Variants in TTC7A observed in about 807,000 individuals in gnomAD.
The protein encoded by TTC7A is tetratricopeptide repeat protein 7A.
In TTC7A, 110 loss-of-function variants were observed where a neutral mutation model predicts 103.7. That is an observed-to-expected ratio of 1.06 (90% CI 0.91 to 1.24). TTC7A has a LOEUF of 1.24. Ranked by LOEUF, TTC7A falls within the 50% of genes most tolerant of loss-of-function variation. TTC7A has a pLI of 0.00. For missense variants in TTC7A, 1,340 were observed against 1,116.3 expected (o/e 1.20, Z -2.86); for synonymous variants, 521 against 467.9 (o/e 1.11, Z -1.47).
At chr2:47,055,286 A>G (rs1683223209) in intron 18 of TTC7A, among the ~76,000 whole-genome samples, 1 of 152,200 alleles carries the variant, frequency 6.6e-6, no homozygotes, top group Admixed American at 6.5e-5. Context: ...GTATGGCAGT[A>G]AGTTCCATCG....
chr2:47,053,995 C>G, intron 18 of TTC7A: 8 of 544,980 alleles, frequency 1.5e-5, no homozygotes, highest in Non-Finnish European at 1.9e-5. Flanking sequence ...TAAAGGCCCT[C>G]CTGAAGCCAG....
At chr2:47,041,052 C>A (rs1252534751) in intron 15 of TTC7A, among the ~76,000 whole-genome samples, 1 of 152,120 alleles carries the variant, frequency 6.6e-6, no homozygotes, top group Non-Finnish European at 1.5e-5. Flanking sequence ...TTGGCCTTGC[C>A]CAGTGACTGT....
Position 47,007,649 on chromosome 2 carries a change from CG to C in TTC7A, c.1287+929del, listed in dbSNP as rs1357563030. On this transcript the variant is annotated intron_variant, in intron 10 of 19. Transcript: ENST00000319190. This position sits in a 1 kb window ranked among gnomAD's most constrained non-coding sequence, Gnocchi z 4.9. ...CGCATCAAGGGCGTGCCAGCCAGCT[CG>C]GGGCCTCGGCAGCCGAGGCAGGCCA... Among the ~76,000 whole-genome samples, 6 of 152,084 alleles carry C rather than the reference CG, an allele frequency of 3.9e-5. No homozygotes were observed. Among genetic ancestry groups the C allele is most frequent in the Non-Finnish European group, 4.4e-5 (3 of 67,996 alleles).
At chr2:46,995,870 A>G (rs1403149741) in intron 8 of TTC7A, among the ~76,000 whole-genome samples, 1 of 152,244 alleles carries the variant, frequency 6.6e-6, no homozygotes, top group Non-Finnish European at 1.5e-5. Flanking sequence ...CAGGCAGTAA[A>G]TTAATCAAAA....
intron 2 of TTC7A, among the ~76,000 whole-genome samples, chr2:46,923,446 A>G (rs1428083370): frequency 3.9e-5 from 6 of 152,254 alleles, no homozygotes. Context: ...TAGGAGTTGT[A>G]TGCTAGAAAA....
At chr2:46,998,498 C>T (rs530380379) in intron 8 of TTC7A, among the ~76,000 whole-genome samples, 1 of 152,322 alleles carries the variant, frequency 6.6e-6, no homozygotes, top group South Asian at 2.1e-4. Flanking sequence ...CCCCAAGGCT[C>T]CATGTACCTG....
At chr2:46,919,861 T>A (rs754951883) in intron 2 of TTC7A, among the ~76,000 whole-genome samples, 3 of 152,266 alleles carry the variant, frequency 2.0e-5, no homozygotes, top group Non-Finnish European at 2.9e-5. Context: ...TCTATCACCC[T>A]TGCATTGGAT....
chr2:47,015,047 G>A (rs1467093053), intron 11 of TTC7A, among the ~76,000 whole-genome samples: 1 of 152,244 alleles, frequency 6.6e-6, no homozygotes, highest in African/African-American at 2.4e-5. Context: ...AGCTGAGCAG[G>A]TTTGGGTTTG....
chr2:47,059,620 A>C (rs13393256), intron 18 of TTC7A, among the ~76,000 whole-genome samples: 109,849 of 152,038 alleles, frequency 0.72, 41,183 homozygotes, highest in East Asian at 0.94. Context: ...CCAAAGAGAG[A>C]TCCCTGGTCT....
chr2:46,930,867 G>A (rs748511921), intron 2 of TTC7A, among the ~76,000 whole-genome samples: 1 of 151,940 alleles, frequency 6.6e-6, no homozygotes, highest in African/African-American at 2.4e-5. Flanking sequence ...TAGCTGAATG[G>A]AAAAATAATG....
rs1457968225 is a variant in TTC7A at position 47,014,053 on chromosome 2, T to C, written c.1392+2618T>C. Among the ~76,000 whole-genome samples the C allele has an allele frequency of 2.6e-5, 4 of 152,200 alleles. No individual in the cohort carries two copies. In the East Asian group the frequency reaches 5.8e-4, roughly 22 times the overall value. On this transcript the variant is annotated intron_variant, in intron 11 of 19. Coordinates refer to ENST00000319190, the MANE Select transcript of TTC7A (RefSeq NM_020458.4). ...CTGTGTTTCTTGAGTGCAGGAATTA[T>C]CTGTCTCTTCTTTGAAACCCCAGCC...
intron 3 of TTC7A, among the ~76,000 whole-genome samples, chr2:46,958,940 C>T (rs929621475): frequency 9.2e-5 from 14 of 152,138 alleles, no homozygotes; most frequent in Non-Finnish European, 1.9e-4. Flanking sequence ...TTTATTCAGC[C>T]CCCCTCCATG....
In TTC7A at chr2:46,923,373, C is replaced by T. The variant is rs938716972; in HGVS notation, c.82+6096C>T. Reference sequence around the variant, plus strand: ...GCTGTCATTCTGAATTACCTGGGGGCTGCCAGCCATCAGTCAACCATTAGC... The same window carrying T: ...GCTGTCATTCTGAATTACCTGGGGGTTGCCAGCCATCAGTCAACCATTAGC... On this transcript the variant is annotated intron_variant, in intron 2 of 20. Transcript: ENST00000409245. 3.9e-5 allele frequency among the ~76,000 whole-genome samples: 6 copies of T among 152,184 alleles called. 1 individual carries two copies. Among genetic ancestry groups the T allele is most frequent in the Admixed American group, 3.9e-4 (6 of 15,284 alleles).
chr2:46,947,815 A>G (rs28529158), intron 1 of TTC7A, among the ~76,000 whole-genome samples: 5,455 of 152,290 alleles, frequency 0.036, 126 homozygotes, highest in Non-Finnish European at 0.053. Flanking sequence ...CTACCTCCCA[A>G]TTTTTTAGTA....
At chr2:46,932,291 A>G (rs1380565406) in intron 2 of TTC7A, among the ~76,000 whole-genome samples, 1 of 152,000 alleles carries the variant, frequency 6.6e-6, no homozygotes, top group African/African-American at 2.4e-5. Context: ...CTGGGATTAC[A>G]GGTGCCCCCA....
intron 3 of TTC7A, among the ~76,000 whole-genome samples, chr2:46,961,676 G>A (rs986342700): frequency 1.3e-4 from 20 of 152,020 alleles, no homozygotes; most frequent in Non-Finnish European, 2.1e-4. Flanking sequence ...AAGCCGAGGC[G>A]GGTGGATGAC....
rs1178096319 is a variant in TTC7A at position 47,039,553 on chromosome 2, A to AT, written c.1803-6753dup. On this transcript the variant is annotated intron_variant, in intron 15 of 19. Transcript: ENST00000319190. Reference sequence around the variant, plus strand: ...AATATCCCCTATCTACAAGATAACTATTTTTTTTTAAGTTTTTGGAAAAGC... The same window carrying AT: ...AATATCCCCTATCTACAAGATAACTATTTTTTTTTTAAGTTTTTGGAAAAGC... 2.7e-3 allele frequency among the ~76,000 whole-genome samples: 404 copies of AT among 151,712 alleles called. 1 individual carries two copies. The highest frequency in any genetic ancestry group is 9.0e-3 in the African/African-American group (371 of 41,366).
At chr2:47,049,480 C>A (rs1028355190) in intron 16 of TTC7A, among the ~76,000 whole-genome samples, 1 of 151,994 alleles carries the variant, frequency 6.6e-6, no homozygotes, top group South Asian at 2.1e-4. Flanking sequence ...CTTCTGGGGA[C>A]CCCCTGGCAG....
At chr2:47,055,562 C>G (rs1327914463) in intron 18 of TTC7A, among the ~76,000 whole-genome samples, 12 of 152,146 alleles carry the variant, frequency 7.9e-5, no homozygotes, top group Non-Finnish European at 1.8e-4. Flanking sequence ...AAGAACTACC[C>G]CTTCATCCCC....
Sources: allele counts gnomAD v4.1 joint callset (sites outside exome capture counted in the v4.1 genomes callset), GRCh38; gene constraint gnomAD v4.1.1; non-coding constraint Gnocchi (gnomAD v3.1); transcripts MANE v1.5; gene names NCBI Gene and HGNC (gene_info 2026-07-23, HGNC 2026-07-21).